ASAP2: variants seen among roughly 807,000 people sequenced by gnomAD.
ASAP2 encodes the protein ArfGAP with SH3 domain, ankyrin repeat and PH domain 2.
ASAP2 carries 45 observed loss-of-function variants against 131.4 expected under a neutral mutation model. That is an observed-to-expected ratio of 0.34 (90% CI 0.27 to 0.44). ASAP2 has a LOEUF of 0.44. Among genes scored for constraint, ASAP2 ranks in the 20% least tolerant of loss-of-function variants. ASAP2 has a pLI of 1.00. For missense variants in ASAP2, 1,011 were observed against 1,297.0 expected (o/e 0.78, Z 3.39); for synonymous variants, 510 against 503.0 (o/e 1.01, Z -0.19).
intron 1 of ASAP2, among the ~76,000 whole-genome samples, chr2:9,271,060 T>C (rs1259072697): frequency 6.6e-6 from 1 of 151,970 alleles, no homozygotes; most frequent in Non-Finnish European, 1.5e-5. Flanking sequence ...CCCAAAGTGC[T>C]GGGATTACAG....
rs1666068937 is a variant in ASAP2, at chr2:9,268,081, A to G, written c.127-11236A>G. 6.6e-6 allele frequency among the ~76,000 whole-genome samples: 1 copy of G among 152,076 alleles called. No individual in the cohort carries two copies. The highest frequency in any genetic ancestry group is 2.4e-5 in the African/African-American group (1 of 41,378). On this transcript the variant is annotated intron_variant, in intron 1 of 27. Coordinates refer to ENST00000281419, the MANE Select transcript of ASAP2 (RefSeq NM_003887.3). The surrounding 1 kb of genome is among the most constrained non-coding windows in gnomAD (Gnocchi z 4.1). Reference sequence around the variant, plus strand: ...AGGTGTATATCCCTAAACATAAACAATTTAGTTTGGCCTGTTTTTGAACTT... The same window carrying G: ...AGGTGTATATCCCTAAACATAAACAGTTTAGTTTGGCCTGTTTTTGAACTT...
At chr2:9,343,081 T>C (rs1156575960) in intron 9 of ASAP2, among the ~76,000 whole-genome samples, 1 of 152,166 alleles carries the variant, frequency 6.6e-6, no homozygotes, top group Non-Finnish European at 1.5e-5. Context: ...TCAGTGGCAA[T>C]GATGAGAGTG....
At chr2:9,211,268 A>AAAT (rs1661530070) in intron 1 of ASAP2, among the ~76,000 whole-genome samples, 2 of 152,114 alleles carry the variant, frequency 1.3e-5, no homozygotes, top group Non-Finnish European at 2.9e-5. Context: ...GTACAATTTT[A>AAAT]GCAAACTTAG....
intron 1 of ASAP2, among the ~76,000 whole-genome samples, chr2:9,236,658 T>C (rs1015038893): frequency 2.6e-5 from 4 of 152,190 alleles, no homozygotes; most frequent in Non-Finnish European, 4.4e-5. Flanking sequence ...GCAACTGTTA[T>C]CTGTTATTGT....
intron 1 of ASAP2, among the ~76,000 whole-genome samples, chr2:9,239,683 T>G (rs955450789): frequency 3.3e-5 from 5 of 152,140 alleles, no homozygotes; most frequent in African/African-American, 1.2e-4. Context: ...ACAAAACCAT[T>G]GTTTTTTGTT....
At chr2:9,399,925 T>C in intron 24 of ASAP2, 98 bp from the exon 25 acceptor site, 2 of 1,291,396 alleles carry the variant, frequency 1.5e-6, no homozygotes, top group Admixed American at 3.6e-5. Context: ...CCTCACACAC[T>C]CTGAGCTTGA....
chr2:9,323,117 G>A lies in ASAP2; in HGVS notation c.471-4G>A, dbSNP rs753211023. ...TCTTGATGTATCCTTGCTTTCACAC[G>A]TAGAACCAAGATAGAAAAGGAGAAA... On this transcript the variant is annotated splice_polypyrimidine_tract_variant and splice_region_variant and intron_variant, in intron 5 of 27. Coordinates refer to ENST00000281419, the MANE Select transcript of ASAP2 (RefSeq NM_003887.3). 2.5e-5 allele frequency: 40 copies of A among 1,613,970 alleles called. No individual in the cohort carries two copies. The East Asian group carries it at 2.7e-4, about 11-fold the overall frequency.
rs1677158115 is a variant in ASAP2, at chr2:9,405,581, C to CT, written c.*2256dup. 2 of 152,552 alleles carry CT rather than the reference C, an allele frequency of 1.3e-5. No individual in the cohort carries two copies. Among genetic ancestry groups the CT allele is most frequent in the African/African-American group, 4.8e-5 (2 of 41,424 alleles). The allele number at this position is 152,552 out of a possible 1,614,324, so 9.4% of individuals were successfully genotyped here. On this transcript the variant is annotated 3_prime_UTR_variant, in exon 28 of 28. Coordinates refer to ENST00000281419, the MANE Select transcript of ASAP2 (RefSeq NM_003887.3). ...ACCGAAATTGATTATTTTCATTGTC[C>CT]TTAATGCAGTGATTTATAATTAGAG...
rs754830559 is a variant in ASAP2 at position 9,279,372 on chromosome 2, T to G, written c.182T>G (p.Ile61Ser). The change falls in exon 2 of 28, where the codon ATC becomes AGC. Residue 61 changes from isoleucine (I) to serine (S), a missense_variant. Around this residue, in one of 2 missense-constraint regions of ASAP2, gnomAD observed 359 missense variants for 598.1 expected, o/e 0.60. Coordinates refer to ENST00000281419, the MANE Select transcript of ASAP2 (RefSeq NM_003887.3). ...LYKMKKSVKA[I>S]NSSGLAHVEN... ...AAAATGAAGAAATCCGTGAAAGCAA[T>G]CAACAGCTCTGGGCTGGGTGAGTAT... 1 of 1,614,082 alleles carries G rather than the reference T, an allele frequency of 6.2e-7. No homozygotes were observed.
intron 1 of ASAP2, among the ~76,000 whole-genome samples, chr2:9,218,968 G>T (rs950088329): frequency 7.9e-5 from 12 of 152,182 alleles, no homozygotes; most frequent in Admixed American, 5.2e-4. Flanking sequence ...AATCCCAATG[G>T]GTGCCTTGCT....
intron 1 of ASAP2, among the ~76,000 whole-genome samples, chr2:9,278,457 G>T (rs1666897645): frequency 6.6e-6 from 1 of 150,986 alleles, no homozygotes; most frequent in East Asian, 1.9e-4. Context: ...AGGCTGCAGT[G>T]AGCCAAGATC....
chr2:9,386,932 C>G (rs908363941), intron 21 of ASAP2, among the ~76,000 whole-genome samples: 8 of 152,164 alleles, frequency 5.3e-5, no homozygotes, highest in African/African-American at 1.9e-4. Flanking sequence ...CGGCCGAGCG[C>G]GGGGGCTCAC....
chr2:9,299,927 ATG>A (rs1345869197), intron 3 of ASAP2, among the ~76,000 whole-genome samples: 2 of 152,176 alleles, frequency 1.3e-5, no homozygotes, highest in Non-Finnish European at 2.9e-5. Context: ...GAGGCCCTGA[ATG>A]GTTTGAAGAG....
Position 9,281,408 on chromosome 2 carries a change from G to A in ASAP2, c.199+2019G>A, listed in dbSNP as rs1317639456. ...AGCCCTGCATTTGAAGGGAGAAGGC[G>A]CTAGTGCTTCGGTGTCAGGAAGCTG... On this transcript the variant is annotated intron_variant, in intron 2 of 27. Transcript: ENST00000281419. This position sits in a 1 kb window ranked among gnomAD's most constrained non-coding sequence, Gnocchi z 4.0. 2.0e-5 allele frequency among the ~76,000 whole-genome samples: 3 copies of A among 152,178 alleles called. No homozygotes were observed. The highest frequency in any genetic ancestry group is 2.9e-5 in the Non-Finnish European group (2 of 68,032).
intron 14 of ASAP2, among the ~76,000 whole-genome samples, chr2:9,358,121 G>A (rs755951955): frequency 3.7e-4 from 56 of 152,140 alleles, no homozygotes; most frequent in Non-Finnish European, 7.1e-4. Context: ...TGGCGACCTC[G>A]AGCCTGAGCA....
intron 3 of ASAP2, among the ~76,000 whole-genome samples, chr2:9,306,283 G>A (rs983594196): frequency 2.0e-5 from 3 of 150,612 alleles, no homozygotes; most frequent in Middle Eastern, 3.5e-3. Context: ...TAGAGATACC[G>A]GGTGGGAGGG....
chr2:9,338,145 T>G (rs1285608811), intron 9 of ASAP2, among the ~76,000 whole-genome samples: 1 of 152,126 alleles, frequency 6.6e-6, no homozygotes, highest in Non-Finnish European at 1.5e-5. Flanking sequence ...CCTCATCACT[T>G]GTGTGCAGGC....
rs1676922758 is a variant in ASAP2, at chr2:9,403,432, T to A, written c.*105T>A. On this transcript the variant is annotated 3_prime_UTR_variant, in exon 28 of 28. Transcript: ENST00000281419. ...CATGAACTGTTTGTATGGCAGCCCA[T>A]GTTCTCTAATGCCACTGCTCTGTTT... 2.3e-5 allele frequency: 23 copies of A among 988,600 alleles called. No individual in the cohort carries two copies. The South Asian group carries it at 3.5e-4, about 15-fold the overall frequency. The allele number at this position is 988,600 out of a possible 1,614,324, so 61.2% of individuals were successfully genotyped here.
chr2:9,322,398 C>T (rs1366197008), intron 5 of ASAP2, among the ~76,000 whole-genome samples: 1 of 152,186 alleles, frequency 6.6e-6, no homozygotes, highest in Admixed American at 6.5e-5. Context: ...GAAAGAGCTG[C>T]TTCCCTTGTC....
Sources: allele counts gnomAD v4.1 joint callset (sites outside exome capture counted in the v4.1 genomes callset), GRCh38; gene constraint gnomAD v4.1.1; regional missense constraint gnomAD v4.1.1; non-coding constraint Gnocchi (gnomAD v3.1); transcripts MANE v1.5; gene names NCBI Gene and HGNC (gene_info 2026-07-23, HGNC 2026-07-21).